Variants in RBFOX1 observed in about 807,000 individuals in gnomAD.
RBFOX1 encodes RNA binding protein fox-1 homolog 1.
In RBFOX1, 8 loss-of-function variants were observed where a neutral mutation model predicts 57.7. That is an observed-to-expected ratio of 0.14 (90% CI 0.08 to 0.25). The LOEUF (loss-of-function observed/expected upper bound fraction) is 0.25. RBFOX1 is among the 10% of genes least tolerant of loss of function. RBFOX1 has a pLI of 1.00. For synonymous variants in RBFOX1, 326 were observed against 222.4 expected (o/e 1.47, Z -4.15); for missense variants, 611 against 548.5 (o/e 1.11, Z -1.14).
At chr16:7,695,530 G>T (rs937081732) in intron 14 of RBFOX1, among the ~76,000 whole-genome samples, 4 of 152,002 alleles carry the variant, frequency 2.6e-5, no homozygotes, top group Admixed American at 1.3e-4. Flanking sequence ...GCACATGCCT[G>T]TAATCCCAAC....
intron 4 of RBFOX1, among the ~76,000 whole-genome samples, chr16:7,372,417 T>C (rs1483183039): frequency 2.0e-5 from 3 of 152,220 alleles, no homozygotes; most frequent in Admixed American, 2.0e-4. Flanking sequence ...GAAGTTCTCC[T>C]TATGCCTCTT....
rs1310187906 is a variant in RBFOX1, at chr16:5,473,862, T to C, written c.258+6608T>C. On this transcript the variant is annotated intron_variant, in intron 2 of 2. Coordinates refer to the RBFOX1 transcript ENST00000585867. The stretch of plus-strand genomic sequence containing the variant: ...GGTGGATAGATGGATGGAAGGTAGA[T>C]GGATGGAAAGACAGATGTAAGGGGG... Among the ~76,000 whole-genome samples the C allele has an allele frequency of 6.2e-5, 8 of 128,720 alleles. No individual in the cohort carries two copies. The East Asian group carries it at 1.9e-3, about 31-fold the overall frequency. The allele number at this position is 128,720 out of a possible 152,430, so 84.4% of individuals were successfully genotyped here.
intron 4 of RBFOX1, among the ~76,000 whole-genome samples, chr16:7,217,292 C>CTT (rs71147672): frequency 0.34 from 35,486 of 103,956 alleles, 8,002 homozygotes; most frequent in East Asian, 0.77. Flanking sequence ...TCTTATTCTT[C>CTT]TTTTTTTTTT....
chr16:5,326,579 A>T (rs2064579940), intron 1 of RBFOX1, among the ~76,000 whole-genome samples: 1 of 152,184 alleles, frequency 6.6e-6, no homozygotes, highest in Non-Finnish European at 1.5e-5. Context: ...ATTATCACAG[A>T]ACATGGAAAG....
intron 1 of RBFOX1, among the ~76,000 whole-genome samples, chr16:5,394,855 T>C (rs973026221): frequency 2.6e-5 from 4 of 152,106 alleles, no homozygotes; most frequent in African/African-American, 4.8e-5. Context: ...TGGCCTGTCT[T>C]TTTTTTCCTT....
intron 4 of RBFOX1, among the ~76,000 whole-genome samples, chr16:7,137,665 T>G (rs1051526513): frequency 2.0e-5 from 3 of 152,180 alleles, no homozygotes; most frequent in Non-Finnish European, 1.5e-5. Context: ...AACCTCAGAT[T>G]AGGGGCAAGC....
At chr16:5,355,624 G>A (rs1330913455) in intron 1 of RBFOX1, among the ~76,000 whole-genome samples, 1 of 152,160 alleles carries the variant, frequency 6.6e-6, no homozygotes, top group Admixed American at 6.5e-5. Context: ...TTTAGAAGGG[G>A]CCTGTAGTGG....
chr16:6,019,230 G>C lies in RBFOX1; in HGVS notation c.-889G>C, dbSNP rs1211142859. The stretch of plus-strand genomic sequence containing the variant: ...TACAAGCGCTCTTGCTGGCCGTCTG[G>C]GTGCACACACCGCTCCCTCGATCAC... On this transcript the variant is annotated 5_prime_UTR_variant, in exon 1 of 16. Transcript: ENST00000550418. This position sits in a 1 kb window ranked among gnomAD's most constrained non-coding sequence, Gnocchi z 4.2. 2 of 985,110 alleles carry C rather than the reference G, an allele frequency of 2.0e-6. No homozygotes were observed. The highest frequency in any genetic ancestry group is 6.2e-5 in the Admixed American group (1 of 16,238). 61.0% of individuals were successfully genotyped at this position (985,110 alleles called of 1,614,324 possible). A position where few individuals can be genotyped will look rare whatever the true frequency, so the allele number is the denominator to read the frequency against.
chr16:6,540,634 A>C (rs969421115), intron 2 of RBFOX1, among the ~76,000 whole-genome samples: 3 of 150,400 alleles, frequency 2.0e-5, no homozygotes, highest in South Asian at 2.1e-4. Flanking sequence ...AAAAAAAAAA[A>C]AAAACCTCAA....
At chr16:7,277,497 C>G (rs2095463851) in intron 4 of RBFOX1, among the ~76,000 whole-genome samples, 1 of 152,096 alleles carries the variant, frequency 6.6e-6, no homozygotes, top group South Asian at 2.1e-4. Flanking sequence ...GATGAAGCCA[C>G]AATTGTTAGT....
rs1204144928 is a variant in RBFOX1 at position 7,043,678 on chromosome 16, C to T, written c.-15-8379C>T. Among the ~76,000 whole-genome samples, 3 of 152,288 alleles carry T rather than the reference C, an allele frequency of 2.0e-5. No individual in the cohort carries two copies. In the East Asian group the frequency reaches 5.8e-4, roughly 29 times the overall value. The stretch of plus-strand genomic sequence containing the variant: ...CCTGAAAACTGGATTTTCCAACATT[C>T]TATTATTGTGGACATGAAAACATGA... On this transcript the variant is annotated intron_variant, in intron 3 of 15. Transcript: ENST00000550418.
chr16:5,448,486 T>C (rs566012184), intron 1 of RBFOX1, among the ~76,000 whole-genome samples: 27 of 152,244 alleles, frequency 1.8e-4, no homozygotes, highest in African/African-American at 6.0e-4. Flanking sequence ...TCCCTGAAAA[T>C]TACCTTACAA....
At position 7,710,534 on chromosome 16, in the gene RBFOX1, T is replaced by G. The variant is rs1303080166; in HGVS notation, c.1072-89T>G. On this transcript the variant is annotated intron_variant, in intron 15 of 15. Coordinates refer to ENST00000550418, the MANE Select transcript of RBFOX1 (RefSeq NM_018723.4). ...TGCCTCCATTTCGGTTGGTTTTGAGTGTCTATTTTTCACATTAGTCTTTTT... is the reference window on the plus strand; with the variant it reads ...TGCCTCCATTTCGGTTGGTTTTGAGGGTCTATTTTTCACATTAGTCTTTTT... 3.2e-6 allele frequency: 5 copies of G among 1,582,618 alleles called. No individual in the cohort carries two copies. In the African/African-American group the frequency reaches 6.9e-5, roughly 22 times the overall value.
chr16:6,776,701 C>G (rs1352406975), intron 3 of RBFOX1, among the ~76,000 whole-genome samples: 1 of 152,158 alleles, frequency 6.6e-6, no homozygotes, highest in Non-Finnish European at 1.5e-5. Context: ...CTCCCCCATG[C>G]CTGCCAGGAT....
rs1385937982 is a variant in RBFOX1, at chr16:6,602,713, A to C, written c.-63-51890A>C. Among the ~76,000 whole-genome samples the C allele has an allele frequency of 5.9e-5, 9 of 152,308 alleles. No individual in the cohort carries two copies. The East Asian group carries it at 1.7e-3, about 29-fold the overall frequency. On this transcript the variant is annotated intron_variant, in intron 2 of 15. Transcript: ENST00000550418. ...TCTGTGAACTATGTCCAGGCTCAAG[A>C]TGAGCTGGAAGTGCAATTTTTTTTC...
At chr16:7,319,324 G>C (rs926155608) in intron 4 of RBFOX1, among the ~76,000 whole-genome samples, 5 of 152,190 alleles carry the variant, frequency 3.3e-5, no homozygotes, top group Non-Finnish European at 5.9e-5. Context: ...CTGACATGTT[G>C]AGTCCAGACC....
chr16:6,840,897 A>G lies in RBFOX1; in HGVS notation c.-16+186247A>G, dbSNP rs78591952. On this transcript the variant is annotated intron_variant, in intron 3 of 15. Transcript: ENST00000550418. ...AGTGAGACTCTGTCTCAAAAAAAAA[A>G]AAAAAAACGAAAAAAGGTTTGAGAG... Among the ~76,000 whole-genome samples the G allele has an allele frequency of 2.4e-3, 329 of 137,500 alleles. 11 individuals are homozygous for G. The highest frequency in any genetic ancestry group is 8.3e-3 in the African/African-American group (294 of 35,268). The allele number at this position is 137,500 out of a possible 152,430, so 90.2% of individuals were successfully genotyped here. A position where few individuals can be genotyped will look rare whatever the true frequency, so the allele number is the denominator to read the frequency against.
chr16:7,378,534 C>T (rs556317173), intron 4 of RBFOX1, among the ~76,000 whole-genome samples: 2 of 152,308 alleles, frequency 1.3e-5, no homozygotes, highest in South Asian at 4.1e-4. Flanking sequence ...TATGTCATTT[C>T]TACCAAGCCA....
chr16:5,829,490 G>GGAGGGT (rs1250603112), intron 3 of RBFOX1, among the ~76,000 whole-genome samples: 1 of 152,078 alleles, frequency 6.6e-6, no homozygotes, highest in Admixed American at 6.5e-5. Context: ...TGGGGGAGGA[G>GGAGGGT]GAGGGTGCCT....
Sources: gnomAD v4.1 joint callset for allele counts (sites outside exome capture counted in the v4.1 genomes callset) on GRCh38, gnomAD v4.1.1 for gene constraint, Gnocchi (gnomAD v3.1) non-coding constraint, MANE v1.5 for transcripts, NCBI Gene and HGNC (gene_info 2026-07-23, HGNC 2026-07-21) for gene names.